The following REXO5 variants were observed in gnomAD, a reference collection of about 807,000 sequenced individuals.
The protein encoded by REXO5 is exonuclease NEF-sp.
In REXO5, 48 loss-of-function variants were observed where a neutral mutation model predicts 88.5. That is an observed-to-expected ratio of 0.54 (90% CI 0.43 to 0.69). REXO5 has a LOEUF of 0.69. Among genes scored for constraint, REXO5 ranks in the 30% least tolerant of loss-of-function variants. The probability of loss-of-function intolerance (pLI) is 0.00; values close to 1 mark genes in which losing one functional copy is unlikely to be tolerated. For missense variants in REXO5, 749 were observed against 912.2 expected (o/e 0.82, Z 2.30); for synonymous variants, 311 against 336.5 (o/e 0.92, Z 0.83).
In REXO5 at chr16:20,825,659, A is replaced by G. The variant is rs533888112; in HGVS notation, c.706-174A>G. The G allele has an allele frequency of 2.4e-5, 14 of 577,860 alleles. No homozygotes were observed. In the South Asian group the frequency reaches 3.2e-4, roughly 13 times the overall value. The allele number at this position is 577,860 out of a possible 1,614,324, so 35.8% of individuals were successfully genotyped here. ...GTTGATCCTCTTAAGTGTAACATTC[A>G]GCAGCCTGCCCAGCTTTAATTTCAC... On this transcript the variant is annotated intron_variant, in intron 7 of 19. Transcript: ENST00000261377.
At chr16:20,817,180 A>G (rs539374243) in intron 5 of REXO5, among the ~76,000 whole-genome samples, 3 of 152,312 alleles carry the variant, frequency 2.0e-5, no homozygotes, top group African/African-American at 7.2e-5. Context: ...TTGATTTCTT[A>G]TCTCCTCTAG....
At chr16:20,836,676 A>C (rs79165797) in intron 13 of REXO5, among the ~76,000 whole-genome samples, 173 of 152,342 alleles carry the variant, frequency 1.1e-3, no homozygotes, top group Non-Finnish European at 2.1e-3. Context: ...TATAGTAAGA[A>C]TATGTTTAGT....
At chr16:20,807,976 C>T (rs556890534) in intron 2 of REXO5, among the ~76,000 whole-genome samples, 2 of 152,208 alleles carry the variant, frequency 1.3e-5, no homozygotes, top group South Asian at 2.1e-4. Flanking sequence ...AGGAGGTGAG[C>T]GGTGGCCGAT....
At chr16:20,833,351 G>A (rs977465720) in intron 13 of REXO5, among the ~76,000 whole-genome samples, 19 of 152,144 alleles carry the variant, frequency 1.2e-4, no homozygotes, top group African/African-American at 3.1e-4. Context: ...CTTTGGTCTT[G>A]CATACATCTT....
chr16:20,840,081 C>G (rs968468764), intron 14 of REXO5: 1 of 539,000 alleles, frequency 1.9e-6, no homozygotes, highest in African/African-American at 1.9e-5. Flanking sequence ...ATACATCTTT[C>G]TGTATCACTA....
chr16:20,839,025 A>C (rs1244491610), intron 13 of REXO5, among the ~76,000 whole-genome samples: 2 of 152,170 alleles, frequency 1.3e-5, no homozygotes, highest in Non-Finnish European at 2.9e-5. Context: ...TCTGGTCCGT[A>C]TATTGTTGTT....
rs1425305811 is a variant in REXO5, at chr16:20,846,234, AC to A, written c.2140del (p.His714ThrfsTer4). The A allele has an allele frequency of 1.2e-6, 2 of 1,613,954 alleles. No homozygotes were observed. The highest frequency in any genetic ancestry group is 8.5e-7 in the Non-Finnish European group (1 of 1,179,862). On this transcript the variant is annotated frameshift_variant, in exon 19 of 20. Transcript: ENST00000261377. LOFTEE classifies it high-confidence loss of function. Reference sequence around the variant, plus strand: ...CTTTGATCCCAGACTCTGAAACTGGACCACCCGAAGATAGCAGCCTGGCGCT... The same window carrying A: ...CTTTGATCCCAGACTCTGAAACTGGACACCCGAAGATAGCAGCCTGGCGCT... ...EQEALQTLKLDHPKIAAWRWS... is the reference protein window; with the variant it reads ...EQEALQTLKLXHPKIAAWRWS...
At chr16:20,818,336 G>A (rs777652500) in intron 5 of REXO5, among the ~76,000 whole-genome samples, 1 of 152,062 alleles carries the variant, frequency 6.6e-6, no homozygotes, top group Non-Finnish European at 1.5e-5. Flanking sequence ...AAACAGTGCC[G>A]GCTACATAAT....
In REXO5 at chr16:20,827,209, T is replaced by C. The variant is rs1464459016; in HGVS notation, c.960+13T>C. 1 of 1,614,016 alleles carries C rather than the reference T, an allele frequency of 6.2e-7. No homozygotes were observed. Among genetic ancestry groups the C allele is most frequent in the Admixed American group, 1.7e-5 (1 of 60,012 alleles). On this transcript the variant is annotated intron_variant, in intron 9 of 19. Coordinates refer to ENST00000261377, the MANE Select transcript of REXO5 (RefSeq NM_030941.3). Reference sequence around the variant, plus strand: ...CAGAGCACTGAAAGTGAGTATCTGATTTAGGACTTTGCATTTTCAGTATAA... The same window carrying C: ...CAGAGCACTGAAAGTGAGTATCTGACTTAGGACTTTGCATTTTCAGTATAA...
chr16:20,832,700 C>A (rs1357855375), intron 12 of REXO5, among the ~76,000 whole-genome samples: 2 of 152,044 alleles, frequency 1.3e-5, no homozygotes, highest in African/African-American at 4.8e-5. Flanking sequence ...TTTGCCTAAT[C>A]TTTTGATAGA....
At chr16:20,824,329 C>A in intron 6 of REXO5, 110 bp from the exon 7 acceptor site, 2 of 625,882 alleles carry the variant, frequency 3.2e-6, no homozygotes, top group South Asian at 1.9e-5. Context: ...TCTAACATAC[C>A]AACATATCTG....
rs1357273470 is a variant in REXO5, at chr16:20,806,616, TGGTTTTAGGCGGCGAAGCCGCTCGGCA to T, written c.-90_-64del. On this transcript the variant is annotated 5_prime_UTR_variant, in exon 1 of 20. Transcript: ENST00000261377. ...TTCCCGGGCTAGGGGGCGTGGGGAGTGGTTTTAGGCGGCGAAGCCGCTCGGCAGCACCTTCCTTCTTTGCCAGGCAGA... is the reference window on the plus strand; with the variant it reads ...TTCCCGGGCTAGGGGGCGTGGGGAGTGCACCTTCCTTCTTTGCCAGGCAGA... The T allele has an allele frequency of 7.2e-7, 1 of 1,383,112 alleles. No individual in the cohort carries two copies. Among genetic ancestry groups the T allele is most frequent in the Non-Finnish European group, 9.5e-7 (1 of 1,052,962 alleles). 85.7% of individuals were successfully genotyped at this position (1,383,112 alleles called of 1,614,324 possible). A position where few individuals can be genotyped will look rare whatever the true frequency, so the allele number is the denominator to read the frequency against.
chr16:20,816,117 A>C lies in REXO5; in HGVS notation c.380A>C (p.Lys127Thr). ...FGCLRKAFRH[K>T]FRLPPPSSDF... is the part of the protein sequence containing the mutation. ...TAAAACCTGTTAATATATTTTCAGA[A>C]ATTCCGCTTGCCTCCACCATCATCT... The change falls in exon 5 of 20, where the codon AAA becomes ACA. Residue 127 changes from lysine (K) to threonine (T), a missense_variant and splice_region_variant. Physicochemically the swap from Lys to Thr is moderately conservative, Grantham distance 78. Transcript: ENST00000261377. 6.2e-7 allele frequency: 1 copy of C among 1,613,756 alleles called. No individual in the cohort carries two copies. The highest frequency in any genetic ancestry group is 8.5e-7 in the Non-Finnish European group (1 of 1,179,858).
intron 2 of REXO5, among the ~76,000 whole-genome samples, chr16:20,808,082 T>TC (rs1482046537): frequency 1.3e-5 from 2 of 151,994 alleles, no homozygotes; most frequent in African/African-American, 4.8e-5. Flanking sequence ...CATACGAGGG[T>TC]CCTAGGTGGC....
chr16:20,843,284 A>G (rs1032604221), intron 15 of REXO5, among the ~76,000 whole-genome samples: 2 of 151,950 alleles, frequency 1.3e-5, no homozygotes, highest in African/African-American at 4.8e-5. Flanking sequence ...TTAATCTTTT[A>G]TTAGCTATGT....
At chr16:20,845,327 C>G in intron 18 of REXO5, 86 bp downstream of exon 18, 1 of 1,197,104 alleles carries the variant, frequency 8.4e-7, no homozygotes, top group Non-Finnish European at 1.2e-6. Context: ...TTTTTTTCTA[C>G]CCTGGCCCTC....
chr16:20,838,002 A>G (rs1368506072), intron 13 of REXO5, among the ~76,000 whole-genome samples: 1 of 152,102 alleles, frequency 6.6e-6, no homozygotes, highest in African/African-American at 2.4e-5. Flanking sequence ...CCTGAGCTCA[A>G]AATATCTTCC....
chr16:20,821,006 G>A (rs1342111527), intron 5 of REXO5: 1 of 152,056 alleles, frequency 6.6e-6, no homozygotes, highest in Non-Finnish European at 1.5e-5. Flanking sequence ...CTTGAGCCAG[G>A]TCATACCCTT....
intron 2 of REXO5, among the ~76,000 whole-genome samples, chr16:20,807,966 A>G (rs1389594497): frequency 6.6e-6 from 1 of 152,184 alleles, no homozygotes; most frequent in Non-Finnish European, 1.5e-5. Flanking sequence ...ACAAAGCAGC[A>G]GGAGGTGAGC....
Sources: gnomAD v4.1 joint callset for allele counts (sites outside exome capture counted in the v4.1 genomes callset) on GRCh38, gnomAD v4.1.1 for gene constraint, MANE v1.5 for transcripts, NCBI Gene and HGNC (gene_info 2026-07-23, HGNC 2026-07-21) for gene names.